PBX1: variants seen among roughly 807,000 people sequenced by gnomAD.
PBX1 encodes pre-B-cell leukemia transcription factor 1.
In PBX1, 6 loss-of-function variants were observed where a neutral mutation model predicts 53.4. The ratio of observed to expected loss-of-function variants is 0.11; its 90% confidence interval spans 0.06 to 0.22. PBX1 has a LOEUF of 0.22. PBX1 is among the 10% of genes least tolerant of loss of function. The pLI is 1.00. For synonymous variants in PBX1, 204 were observed against 212.3 expected (o/e 0.96, Z 0.34); for missense variants, 251 against 551.4 (o/e 0.46, Z 5.46).
intron 2 of PBX1, among the ~76,000 whole-genome samples, chr1:164,662,969 A>G (rs1306752193): frequency 6.6e-6 from 1 of 152,180 alleles, no homozygotes; most frequent in Non-Finnish European, 1.5e-5. Context: ...CTACAACTCT[A>G]AAATACAAAT....
At chr1:164,867,995 A>T (rs534148759) in intron 2 of PBX1, among the ~76,000 whole-genome samples, 5 of 152,324 alleles carry the variant, frequency 3.3e-5, no homozygotes, top group Non-Finnish European at 5.9e-5. Context: ...CAGAGCTCCC[A>T]GCTGTTTAAT....
chr1:164,576,178 C>A (rs1654219042), intron 2 of PBX1, among the ~76,000 whole-genome samples: 2 of 152,216 alleles, frequency 1.3e-5, no homozygotes, highest in African/African-American at 4.8e-5. Flanking sequence ...TGGCCTTGTG[C>A]TAAGACGAGA....
intron 1 of PBX1, among the ~76,000 whole-genome samples, chr1:164,562,037 A>C (rs1437759091): frequency 6.6e-6 from 1 of 151,954 alleles, no homozygotes; most frequent in Non-Finnish European, 1.5e-5. Context: ...CACTTAGTAG[A>C]TAGTATGTCC....
At position 164,847,720 on chromosome 1, in the gene PBX1, C is replaced by T. The variant is rs1671642517; in HGVS notation, c.*1044C>T. On this transcript the variant is annotated 3_prime_UTR_variant, in exon 9 of 9. Coordinates refer to ENST00000420696, the MANE Select transcript of PBX1 (RefSeq NM_002585.4). Reference sequence around the variant, plus strand: ...CTACATTAATAACTGTAGCACTATGCCTTTTGAGCCCGAGAGAGGGAATTA... The same window carrying T: ...CTACATTAATAACTGTAGCACTATGTCTTTTGAGCCCGAGAGAGGGAATTA... The T allele has an allele frequency of 1.9e-6, 2 of 1,053,944 alleles. No individual in the cohort carries two copies. The allele number at this position is 1,053,944 out of a possible 1,614,324, so 65.3% of individuals were successfully genotyped here. A position where few individuals can be genotyped will look rare whatever the true frequency, so the allele number is the denominator to read the frequency against.
Position 164,848,986 on chromosome 1 carries a change from C to A in PBX1, c.*2310C>A. On this transcript the variant is annotated 3_prime_UTR_variant, in exon 9 of 9. Coordinates refer to ENST00000420696, the MANE Select transcript of PBX1 (RefSeq NM_002585.4). ...TGTGTCTACTAACTTCAGCCCTAAT[C>A]AGAACAGATGCCTAGAAGGAGCATT... The A allele has an allele frequency of 8.8e-7, 1 of 1,130,988 alleles. No homozygotes were observed. Among genetic ancestry groups the A allele is most frequent in the Non-Finnish European group, 1.1e-6 (1 of 921,008 alleles). The allele number at this position is 1,130,988 out of a possible 1,614,324, so 70.1% of individuals were successfully genotyped here. A position where few individuals can be genotyped will look rare whatever the true frequency, so the allele number is the denominator to read the frequency against.
rs866735582 is a variant in PBX1, at chr1:164,870,209, T to C, written n.258-28979T>C. 5.9e-4 allele frequency among the ~76,000 whole-genome samples: 72 copies of C among 123,044 alleles called. 1 individual carries two copies. The highest frequency in any genetic ancestry group is 1.2e-3 in the South Asian group (4 of 3,346). The allele number at this position is 123,044 out of a possible 152,430, so 80.7% of individuals were successfully genotyped here. On this transcript the variant is annotated intron_variant and non_coding_transcript_variant, in intron 2 of 2. Transcript: ENST00000558796. The stretch of plus-strand genomic sequence containing the variant: ...TCTATTGACTTTCTTTCTTTCTTTC[T>C]TTTCTTTCTTTCCTTCCTTCCTTCC...
At chr1:164,884,950 T>A (rs1404096180) in intron 2 of PBX1, among the ~76,000 whole-genome samples, 1 of 152,326 alleles carries the variant, frequency 6.6e-6, no homozygotes, top group East Asian at 1.9e-4. Context: ...AAGCAAGAGT[T>A]GTGCATGTAA....
chr1:164,782,507 G>A (rs1054716568), intron 2 of PBX1, among the ~76,000 whole-genome samples: 3 of 152,160 alleles, frequency 2.0e-5, no homozygotes, highest in African/African-American at 7.2e-5. Context: ...CTAAATGATC[G>A]ACGAATTCTG....
intron 2 of PBX1, among the ~76,000 whole-genome samples, chr1:164,880,440 G>C (rs1365021619): frequency 1.3e-5 from 2 of 152,168 alleles, no homozygotes; most frequent in Non-Finnish European, 2.9e-5. Context: ...TGATGCATCT[G>C]GTAGCTGAGA....
intron 2 of PBX1, among the ~76,000 whole-genome samples, chr1:164,654,450 C>CT (rs1660027103): frequency 6.6e-6 from 1 of 152,152 alleles, no homozygotes; most frequent in African/African-American, 2.4e-5. Flanking sequence ...CGCTGATGGC[C>CT]TTTGTCATTA....
intron 2 of PBX1, among the ~76,000 whole-genome samples, chr1:164,632,471 C>G (rs1658471976): frequency 2.0e-5 from 3 of 152,138 alleles, no homozygotes; most frequent in Admixed American, 2.0e-4. Context: ...ACAGCACAGC[C>G]TTTCTCCTGC....
chr1:164,791,265 T>G (rs920835087), intron 2 of PBX1, among the ~76,000 whole-genome samples: 2 of 152,260 alleles, frequency 1.3e-5, no homozygotes, highest in African/African-American at 4.8e-5. Context: ...GCTGATTTAC[T>G]AAATCACTGG....
chr1:164,771,215 G>C (rs1667351771), intron 2 of PBX1: 1 of 152,068 alleles, frequency 6.6e-6, no homozygotes, highest in South Asian at 2.1e-4. Flanking sequence ...TTATCAAAAG[G>C]AGAATGTAGT....
At chr1:164,838,659 G>T (rs976757972) in intron 8 of PBX1, among the ~76,000 whole-genome samples, 2 of 152,116 alleles carry the variant, frequency 1.3e-5, no homozygotes, top group Non-Finnish European at 1.5e-5. Flanking sequence ...GGCAAATCCT[G>T]GGTTCTGAGA....
At chr1:164,618,247 G>A (rs1257997214) in intron 2 of PBX1, among the ~76,000 whole-genome samples, 1 of 142,498 alleles carries the variant, frequency 7.0e-6, no homozygotes, top group Non-Finnish European at 1.5e-5. Flanking sequence ...ACACTTAAAA[G>A]TTCGGAGAGG....
intron 2 of PBX1, among the ~76,000 whole-genome samples, chr1:164,751,326 A>G (rs1447861647): frequency 6.6e-6 from 1 of 151,796 alleles, no homozygotes; most frequent in African/African-American, 2.4e-5. Context: ...AAAAAAAAAA[A>G]AAAAAAGATG....
chr1:164,704,447 A>G (rs1663309777), intron 2 of PBX1, among the ~76,000 whole-genome samples: 1 of 152,342 alleles, frequency 6.6e-6, no homozygotes, highest in Admixed American at 6.5e-5. Context: ...AAAACTGTAA[A>G]TTTATTAGAT....
At chr1:164,569,248 G>C (rs981372993) in intron 2 of PBX1, among the ~76,000 whole-genome samples, 19 of 152,124 alleles carry the variant, frequency 1.2e-4, no homozygotes, top group African/African-American at 4.3e-4. Context: ...CTTCTTAACT[G>C]TCTGGCCTTA....
chr1:164,801,376 C>A (rs755921664), intron 4 of PBX1, among the ~76,000 whole-genome samples: 1 of 150,666 alleles, frequency 6.6e-6, no homozygotes, highest in Non-Finnish European at 1.5e-5. Flanking sequence ...TGCCACCCTG[C>A]ATGTATTGCT....
Sources: allele counts gnomAD v4.1 joint callset (sites outside exome capture counted in the v4.1 genomes callset), GRCh38; gene constraint gnomAD v4.1.1; transcripts MANE v1.5; gene names NCBI Gene and HGNC (gene_info 2026-07-23, HGNC 2026-07-21).